PLK4: variants seen among roughly 807,000 people sequenced by gnomAD.
PLK4 encodes the protein polo like kinase 4.
PLK4 carries 51 observed loss-of-function variants against 103.0 expected under a neutral mutation model. The observed-to-expected ratio is 0.50, with a 90% CI of 0.40 to 0.63. PLK4 has a LOEUF of 0.63. Ranked by LOEUF, PLK4 falls within the 20% of genes least tolerant of loss-of-function variation. The probability of loss-of-function intolerance (pLI) is 0.00; values close to 1 mark genes in which losing one functional copy is unlikely to be tolerated. For missense variants in PLK4, 1,054 were observed against 1,151.0 expected, an observed-to-expected ratio of 0.92 and a Z score of 1.22; for synonymous variants, 389 against 376.8, an observed-to-expected ratio of 1.03 and a Z score of -0.38.
chr4:127,883,671 A>G (rs1234702122), intron 4 of PLK4, 118 bp downstream of exon 4: 15 of 492,628 alleles, frequency 3.0e-5, no homozygotes, highest in Non-Finnish European at 5.1e-5. Context: ...TTGAATTATT[A>G]CTTTAAGCTA....
At chr4:127,884,807 G>A (rs1161822731) in intron 4 of PLK4, among the ~76,000 whole-genome samples, 3 of 152,006 alleles carry the variant, frequency 2.0e-5, no homozygotes, top group Non-Finnish European at 4.4e-5. Context: ...CGGTGTGGTG[G>A]TGCTCTCCTG....
chr4:127,892,961 A>G (rs562692793), intron 10 of PLK4, among the ~76,000 whole-genome samples: 3 of 152,196 alleles, frequency 2.0e-5, no homozygotes, highest in South Asian at 2.1e-4. Context: ...TTTTTAATCT[A>G]TAAACCTCCT....
intron 1 of PLK4, 76 bp downstream of exon 1, chr4:127,881,240 GAGCGAACGA>G: frequency 1.2e-6 from 2 of 1,607,620 alleles, no homozygotes; most frequent in Admixed American, 3.4e-5. Flanking sequence ...GTGGGAAGGG[GAGCGAACGA>G]AGCTAACGGC....
At position 127,891,560 on chromosome 4, in the gene PLK4, T is replaced by A. The variant is rs1485110038; in HGVS notation, c.1936-19T>A. The stretch of plus-strand genomic sequence containing the variant: ...ACTTAATGGCATGTAATTAGAATTT[T>A]AAAAAAATCTTTTGGCAGATCACTA... On this transcript the variant is annotated intron_variant, in intron 8 of 15. Transcript: ENST00000270861. The A allele has an allele frequency of 1.6e-6, 2 of 1,228,936 alleles. No individual in the cohort carries two copies. Among genetic ancestry groups the A allele is most frequent in the Non-Finnish European group, 2.3e-6 (2 of 875,212 alleles). The allele number at this position is 1,228,936 out of a possible 1,614,324, so 76.1% of individuals were successfully genotyped here.
chr4:127,883,670 T>C, intron 4 of PLK4, 117 bp downstream of exon 4: 1 of 492,396 alleles, frequency 2.0e-6, no homozygotes, highest in African/African-American at 1.9e-5. Flanking sequence ...TTTGAATTAT[T>C]ACTTTAAGCT....
chr4:127,881,237 G>C, intron 1 of PLK4, 73 bp downstream of exon 1: 5 of 1,608,878 alleles, frequency 3.1e-6, no homozygotes, highest in Non-Finnish European at 4.2e-6. Context: ...GCTGTGGGAA[G>C]GGGAGCGAAC....
rs758628134 is a variant in PLK4, at chr4:127,887,514, T to A, written c.1459+18T>A. 1 of 1,345,598 alleles carries A rather than the reference T, an allele frequency of 7.4e-7. No individual in the cohort carries two copies. Among genetic ancestry groups the A allele is most frequent in the East Asian group, 2.3e-5 (1 of 42,776 alleles). 83.4% of individuals were successfully genotyped at this position (1,345,598 alleles called of 1,614,324 possible). ...AATAAATGGTGAGTTTTTAATGGAG[T>A]ATTTAATCAAGAATTAATTACTTGG... On this transcript the variant is annotated intron_variant, in intron 6 of 15. Coordinates refer to ENST00000270861, the MANE Select transcript of PLK4 (RefSeq NM_014264.5).
chr4:127,891,872 T>C, intron 9 of PLK4, 191 bp downstream of exon 9: 1 of 329,524 alleles, frequency 3.0e-6, no homozygotes, highest in Non-Finnish European at 5.5e-6. Context: ...TTCTGTGTTA[T>C]AATGGTACTA....
intron 2 of PLK4, among the ~76,000 whole-genome samples, chr4:127,882,207 AC>A (rs1220391954): frequency 6.6e-6 from 1 of 152,242 alleles, no homozygotes; most frequent in Non-Finnish European, 1.5e-5. Context: ...AAATCAACTA[AC>A]AAATAATTTG....
Position 127,890,068 on chromosome 4 carries a change from G to A in PLK4, c.1662G>A (p.Glu554=). 6.2e-7 allele frequency: 1 copy of A among 1,614,022 alleles called. No homozygotes were observed. Among genetic ancestry groups the A allele is most frequent in the South Asian group, 1.1e-5 (1 of 91,080 alleles). ...KYMTALHSKP[E]IIQQECVFGS... Reference sequence around the variant, plus strand: ...TGACTGCACTTCACAGTAAACCTGAGATAATCCAACAAGAATGTGTTTTTG... The same window carrying A: ...TGACTGCACTTCACAGTAAACCTGAAATAATCCAACAAGAATGTGTTTTTG... The change falls in exon 7 of 16, where the codon GAG becomes GAA. Residue 554 remains glutamate, a synonymous_variant. Coordinates refer to ENST00000270861, the MANE Select transcript of PLK4 (RefSeq NM_014264.5).
Position 127,881,052 on chromosome 4 carries a change from G to A in PLK4, c.-83G>A. 1 of 1,526,284 alleles carries A rather than the reference G, an allele frequency of 6.6e-7. No individual in the cohort carries two copies. The highest frequency in any genetic ancestry group is 9.1e-7 in the Non-Finnish European group (1 of 1,103,772). The allele number at this position is 1,526,284 out of a possible 1,614,324, so 94.5% of individuals were successfully genotyped here. On this transcript the variant is annotated 5_prime_UTR_variant, in exon 1 of 16. Coordinates refer to ENST00000270861, the MANE Select transcript of PLK4 (RefSeq NM_014264.5). ...AGAGCCGAGCCTGATGGGCGCCAAG[G>A]CCGGCTGGCTGCTTGGAGCGCTGCC...
In PLK4 at chr4:127,898,532, T is replaced by A; in HGVS notation, c.2904T>A (p.Asn968Lys). 1 of 1,456,530 alleles carries A rather than the reference T, an allele frequency of 6.9e-7. No individual in the cohort carries two copies. The highest frequency in any genetic ancestry group is 1.8e-5 in the Admixed American group (1 of 56,442). 90.2% of individuals were successfully genotyped at this position (1,456,530 alleles called of 1,614,324 possible). ...TGATGTTTTCTAATCCGACTCCTAATTTTCATTGATTAAAACTCCTTTCAG... is the reference window on the plus strand; with the variant it reads ...TGATGTTTTCTAATCCGACTCCTAAATTTCATTGATTAAAACTCCTTTCAG... ...ILLMFSNPTP[N>K]FH The change falls in exon 16 of 16, where the codon AAT (asparagine) becomes AAA (lysine). Residue 968 changes from asparagine (N) to lysine (K), a missense_variant. Around this residue, in one of 4 missense-constraint regions of PLK4, gnomAD observed 8 missense variants for 19.9 expected, o/e 0.40. Transcript: ENST00000270861.
chr4:127,893,091 A>T (rs979987828), intron 10 of PLK4, 194 bp from the exon 11 acceptor site: 1 of 435,928 alleles, frequency 2.3e-6, no homozygotes, highest in African/African-American at 2.0e-5. Context: ...CTTAAACCAG[A>T]TATATGTTGG....
chr4:127,896,939 C>T (rs1735589826), intron 15 of PLK4, 32 bp downstream of exon 15: 5 of 1,110,694 alleles, frequency 4.5e-6, no homozygotes, highest in Middle Eastern at 2.0e-4. Flanking sequence ...CGAGATTCAG[C>T]CCTTTGCTAT....
chr4:127,883,385 C>T (rs1735002572), intron 3 of PLK4, 28 bp downstream of exon 3: 1 of 1,437,382 alleles, frequency 7.0e-7, no homozygotes, highest in Admixed American at 1.8e-5. Flanking sequence ...TAGAAGTGAC[C>T]AAGGACACTG....
At chr4:127,897,223 T>C (rs1313394819) in intron 15 of PLK4, among the ~76,000 whole-genome samples, 1 of 152,172 alleles carries the variant, frequency 6.6e-6, no homozygotes, top group African/African-American at 2.4e-5. Flanking sequence ...TCAAATAATA[T>C]ACCAAACCTA....
chr4:127,881,276 A>C, intron 1 of PLK4, 112 bp downstream of exon 1: 1 of 1,571,968 alleles, frequency 6.4e-7, no homozygotes, highest in Non-Finnish European at 8.6e-7. Context: ...GCGGGCACCG[A>C]GGTGCTTAGG....
intron 1 of PLK4, 134 bp downstream of exon 1, chr4:127,881,298 C>T (rs1734909446): frequency 2.6e-6 from 4 of 1,536,184 alleles, no homozygotes; most frequent in Middle Eastern, 1.9e-4. Flanking sequence ...AGGGTCCCAA[C>T]GGCCCAGACC....
rs1735391780 is a variant in PLK4, at chr4:127,892,350, A to G, written c.2039-15A>G. On this transcript the variant is annotated splice_polypyrimidine_tract_variant and intron_variant, in intron 9 of 15. Transcript: ENST00000270861. Reference sequence around the variant, plus strand: ...AACACTTTCTTCCCTAATGTTAAGTATTTTTTTTCCTTAGAAAAATACTGG... The same window carrying G: ...AACACTTTCTTCCCTAATGTTAAGTGTTTTTTTTCCTTAGAAAAATACTGG... 6.6e-7 allele frequency: 1 copy of G among 1,523,150 alleles called. No homozygotes were observed. The highest frequency in any genetic ancestry group is 1.4e-5 in the African/African-American group (1 of 70,628). 94.4% of individuals were successfully genotyped at this position (1,523,150 alleles called of 1,614,324 possible). A position where few individuals can be genotyped will look rare whatever the true frequency, so the allele number is the denominator to read the frequency against.
Sources: gnomAD v4.1 joint callset for allele counts (sites outside exome capture counted in the v4.1 genomes callset) on GRCh38, gnomAD v4.1.1 for gene constraint, gnomAD v4.1.1 regional missense constraint, MANE v1.5 for transcripts, NCBI Gene and HGNC (gene_info 2026-07-23, HGNC 2026-07-21) for gene names.